Variants in CD1D observed in about 807,000 individuals in gnomAD.
The protein encoded by CD1D is antigen-presenting glycoprotein CD1d.
Under a neutral mutation model 42.1 loss-of-function variants are expected in CD1D, and 40 were observed. The observed-to-expected ratio is 0.95, with a 90% CI of 0.74 to 1.24. The LOEUF (loss-of-function observed/expected upper bound fraction) is 1.24, where lower values mean the gene tolerates loss of function less well. CD1D is among the 50% of genes most tolerant of loss of function. The pLI, the probability that CD1D is intolerant of heterozygous loss-of-function variation, is 0.00. For synonymous variants in CD1D, 178 were observed against 171.8 expected, an observed-to-expected ratio of 1.04 and a Z score of -0.28; for missense variants, 437 against 416.5, an observed-to-expected ratio of 1.05 and a Z score of -0.43.
rs1648576170 is a variant in CD1D, at chr1:158,183,865, T to C, written c.887-71T>C. 29 of 1,202,960 alleles carry C rather than the reference T, an allele frequency of 2.4e-5. No homozygotes were observed. In the South Asian group the frequency reaches 3.5e-4, roughly 15 times the overall value. The allele number at this position is 1,202,960 out of a possible 1,614,324, so 74.5% of individuals were successfully genotyped here. On this transcript the variant is annotated intron_variant, in intron 4 of 5. Coordinates refer to ENST00000674085, the MANE Select transcript of CD1D (RefSeq NM_001371762.2). ...AGCACCTGGTACCCTCACACATGCC[T>C]AGACCAGGGGATTGGATATATGTAG...
upstream of CD1D, among the ~76,000 whole-genome samples, chr1:158,179,500 A>C (rs1429631653): frequency 6.6e-6 from 1 of 152,204 alleles, no homozygotes; most frequent in Non-Finnish European, 1.5e-5. Context: ...GCACCTCTCC[A>C]GCTGATTTAG....
At position 158,186,260 on chromosome 1, in the gene CD1D, C is replaced by G. The variant is rs1445465662; in HGVS notation, c.*2110C>G. On this transcript the variant is annotated 3_prime_UTR_variant, in exon 6 of 6. Transcript: ENST00000674085. ...TCAGCTTAGGTTCCTCTAGCAGTGT[C>G]AAGTTTGTGAACCAACCCCACTGGC... 2.0e-5 allele frequency among the ~76,000 whole-genome samples: 3 copies of G among 152,152 alleles called. No homozygotes were observed. The highest frequency in any genetic ancestry group is 2.9e-5 in the Non-Finnish European group (2 of 68,016).
rs200822031 is a variant in CD1D at position 158,181,456 on chromosome 1, C to G, written c.63C>G (p.Val21=). 292 of 1,613,702 alleles carry G rather than the reference C, an allele frequency of 1.8e-4. No homozygotes were observed. Among genetic ancestry groups the G allele is most frequent in the Admixed American group, 7.5e-4 (45 of 60,030 alleles). The part of the protein sequence containing the change: ...ALLQAWGSAE[V]PQRLFPLRCL... ...CCTCCAATCTTCATTCTCTCCCAGT[C>G]CCGCAAAGGCTTTTCCCCCTCCGCT... The change falls in exon 2 of 6, where the codon GTC becomes GTG. Residue 21 remains valine, a splice_region_variant and synonymous_variant. Coordinates refer to ENST00000674085, the MANE Select transcript of CD1D (RefSeq NM_001371762.2).
rs569665603 is a variant in CD1D at position 158,185,561 on chromosome 1, C to T, written c.*1411C>T. Among the ~76,000 whole-genome samples, 1 of 152,068 alleles carries T rather than the reference C, an allele frequency of 6.6e-6. No individual in the cohort carries two copies. The highest frequency in any genetic ancestry group is 2.4e-5 in the African/African-American group (1 of 41,406). On this transcript the variant is annotated 3_prime_UTR_variant, in exon 6 of 6. Transcript: ENST00000674085. ...AAAACTAGCCACCCATGGTGGTGAG[C>T]GCCTGTAGTCCTAGCTACTCTGGAG...
intron 4 of CD1D, 56 bp from the exon 5 acceptor site, chr1:158,183,880 G>A: frequency 7.4e-7 from 1 of 1,345,530 alleles, no homozygotes; most frequent in Non-Finnish European, 1.1e-6. Context: ...CAGGGGATTG[G>A]ATATATGTAG....
chr1:158,179,070 C>T (rs1182806461), upstream of CD1D, among the ~76,000 whole-genome samples: 1 of 152,070 alleles, frequency 6.6e-6, no homozygotes, highest in East Asian at 1.9e-4. Context: ...AATGTTAGCA[C>T]TTAAAATTTT....
chr1:158,183,919 A>G lies in CD1D; in HGVS notation c.887-17A>G, dbSNP rs772942409. The G allele has an allele frequency of 3.1e-5, 49 of 1,602,876 alleles. 1 individual carries two copies. Among genetic ancestry groups the G allele is most frequent in the South Asian group, 9.9e-5 (9 of 90,852 alleles). On this transcript the variant is annotated splice_polypyrimidine_tract_variant and intron_variant, in intron 4 of 5. Transcript: ENST00000674085. ...GGGGTCCTGTGCTGAGAGACAGCCT[A>G]TGTTCCTCCAGAGCAGGTGGGAGCT...
At position 158,185,303 on chromosome 1, in the gene CD1D, G is replaced by A. The variant is rs422236; in HGVS notation, c.*1153G>A. ...CCAGAAAAAATAAGTGAGACTTAAC[G>A]GTTGGAGAGTGTTTGCTTGAGAAAA... On this transcript the variant is annotated 3_prime_UTR_variant, in exon 6 of 6. Transcript: ENST00000674085. Among the ~76,000 whole-genome samples, 3 of 151,944 alleles carry A rather than the reference G, an allele frequency of 2.0e-5. No individual in the cohort carries two copies. The highest frequency in any genetic ancestry group is 4.4e-5 in the Non-Finnish European group (3 of 67,960).
intron 3 of CD1D, 110 bp from the exon 4 acceptor site, chr1:158,182,768 A>T: frequency 7.9e-7 from 1 of 1,269,708 alleles, no homozygotes; most frequent in Non-Finnish European, 1.1e-6. Context: ...AGGGGCATAC[A>T]GGAAGGAGGG....
At chr1:158,181,823 C>T in intron 2 of CD1D, 102 bp downstream of exon 2, 2 of 1,459,048 alleles carry the variant, frequency 1.4e-6, no homozygotes, top group Non-Finnish European at 1.9e-6. Flanking sequence ...ATTCTCTGCT[C>T]TGTCCACCCT....
intron 4 of CD1D, among the ~76,000 whole-genome samples, 194 bp from the exon 5 acceptor site, chr1:158,183,742 T>C (rs1648569768): frequency 6.6e-6 from 1 of 152,164 alleles, no homozygotes; most frequent in African/African-American, 2.4e-5. Flanking sequence ...AATGTCAAAG[T>C]GGGCTGAATT....
At position 158,181,487 on chromosome 1, in the gene CD1D, C is replaced by T; in HGVS notation, c.94C>T (p.Gln32Ter). The change falls in exon 2 of 6, where the codon CAG becomes TAG. Residue 32 changes from glutamine (Q) to a stop codon, truncating the protein, a stop_gained. Transcript: ENST00000674085. LOFTEE classifies it high-confidence loss of function. ...AAGGCTTTTCCCCCTCCGCTGCCTC[C>T]AGATCTCGTCCTTCGCCAATAGCAG... Reference protein sequence around the residue: ...PQRLFPLRCLQISSFANSSWT... With the variant: ...PQRLFPLRCL 1 of 1,614,180 alleles carries T rather than the reference C, an allele frequency of 6.2e-7. No individual in the cohort carries two copies. Among genetic ancestry groups the T allele is most frequent in the Non-Finnish European group, 8.5e-7 (1 of 1,180,038 alleles).
intron 3 of CD1D, 131 bp from the exon 4 acceptor site, chr1:158,182,747 G>T: frequency 9.2e-7 from 1 of 1,090,648 alleles, no homozygotes; most frequent in African/African-American, 1.6e-5. Context: ...ATTTCCAGAA[G>T]TGAACATGTC....
Position 158,181,556 on chromosome 1 carries a change from A to G in CD1D, c.163A>G (p.Thr55Ala), listed in dbSNP as rs759359465. The G allele has an allele frequency of 6.2e-7, 1 of 1,614,062 alleles. No homozygotes were observed. The highest frequency in any genetic ancestry group is 1.7e-5 in the Admixed American group (1 of 60,024). The change falls in exon 2 of 6, where the codon ACG becomes GCG. Residue 55 changes from threonine (T) to alanine (A), a missense_variant. Physicochemically the swap from Thr to Ala is moderately conservative, Grantham distance 58. Coordinates refer to ENST00000674085, the MANE Select transcript of CD1D (RefSeq NM_001371762.2). ...CTTGGCGTGGCTGGGGGAGCTGCAG[A>G]CGCACAGCTGGAGCAACGACTCGGA... ...DGLAWLGELQ[T>A]HSWSNDSDTV...
rs1385489025 is a variant in CD1D, at chr1:158,185,809, G to T, written c.*1659G>T. The stretch of plus-strand genomic sequence containing the variant: ...TTGTTTTGGGCCTCATCCTATACCC[G>T]CTGAATGAGAAACTCTGAGTCTGGA... On this transcript the variant is annotated 3_prime_UTR_variant, in exon 6 of 6. Transcript: ENST00000674085. Among the ~76,000 whole-genome samples the T allele has an allele frequency of 6.6e-6, 1 of 152,150 alleles. No homozygotes were observed. Among genetic ancestry groups the T allele is most frequent in the African/African-American group, 2.4e-5 (1 of 41,424 alleles).
In CD1D at chr1:158,185,569, G is replaced by C. The variant is rs1648672719; in HGVS notation, c.*1419G>C. ...CCACCCATGGTGGTGAGCGCCTGTAGTCCTAGCTACTCTGGAGGCTGAGGT... is the reference window on the plus strand; with the variant it reads ...CCACCCATGGTGGTGAGCGCCTGTACTCCTAGCTACTCTGGAGGCTGAGGT... On this transcript the variant is annotated 3_prime_UTR_variant, in exon 6 of 6. Transcript: ENST00000674085. Among the ~76,000 whole-genome samples, 1 of 152,102 alleles carries C rather than the reference G, an allele frequency of 6.6e-6. No homozygotes were observed. The highest frequency in any genetic ancestry group is 2.4e-5 in the African/African-American group (1 of 41,422).
chr1:158,183,729 G>A (rs1370490453), intron 4 of CD1D, among the ~76,000 whole-genome samples: 2 of 152,316 alleles, frequency 1.3e-5, no homozygotes, highest in Middle Eastern at 3.4e-3. Flanking sequence ...TGCTACACTA[G>A]CAAATGTCAA....
At position 158,183,280 on chromosome 1, in the gene CD1D, A is replaced by G; in HGVS notation, c.886+124A>G. On this transcript the variant is annotated intron_variant, in intron 4 of 5. Coordinates refer to ENST00000674085, the MANE Select transcript of CD1D (RefSeq NM_001371762.2). ...GAGGAGTTTCAGAGATGAGGCCCCC[A>G]GTAAAAGGATAGAGAGAGGGGTTCC... The G allele has an allele frequency of 4.2e-6, 5 of 1,180,272 alleles. No individual in the cohort carries two copies. In the South Asian group the frequency reaches 7.5e-5, roughly 18 times the overall value. The allele number at this position is 1,180,272 out of a possible 1,614,324, so 73.1% of individuals were successfully genotyped here. A position where few individuals can be genotyped will look rare whatever the true frequency, so the allele number is the denominator to read the frequency against.
Position 158,181,143 on chromosome 1 carries a change from G to A in CD1D, c.42G>A (p.Gln14=). The part of the protein sequence containing the change: ...LLFLLLWALL[Q]AWGSAEVPQR... ...TTCTGCTGCTCTGGGCGCTCCTCCA[G>A]GCTTGGGGAAGCGCTGAAGGTGGGT... The change falls in exon 1 of 6, where the codon CAG becomes CAA. Residue 14 remains glutamine, a synonymous_variant. Coordinates refer to ENST00000674085, the MANE Select transcript of CD1D (RefSeq NM_001371762.2). 1 of 1,549,356 alleles carries A rather than the reference G, an allele frequency of 6.5e-7. No individual in the cohort carries two copies. Among genetic ancestry groups the A allele is most frequent in the African/African-American group, 1.4e-5 (1 of 73,076 alleles).
Sources: gnomAD v4.1 joint callset for allele counts (sites outside exome capture counted in the v4.1 genomes callset) on GRCh38, gnomAD v4.1.1 for gene constraint, MANE v1.5 for transcripts, NCBI Gene and HGNC (gene_info 2026-07-23, HGNC 2026-07-21) for gene names.